Variants in METAP2 observed in about 807,000 individuals in gnomAD.
METAP2 encodes methionine aminopeptidase 2.
A neutral mutation model predicts 59.4 loss-of-function variants in METAP2; 25 were observed. The observed-to-expected ratio is 0.42, with a 90% CI of 0.31 to 0.59. The LOEUF is 0.59. Among genes scored for constraint, METAP2 ranks in the 20% least tolerant of loss-of-function variants. METAP2 has a pLI of 0.16. For synonymous variants in METAP2, 214 were observed against 194.1 expected, an observed-to-expected ratio of 1.10 and a Z score of -0.85; for missense variants, 366 against 581.2, an observed-to-expected ratio of 0.63 and a Z score of 3.81.
rs144195320 is a variant in METAP2, at chr12:95,509,658, A to G, written c.965-2237A>G. ...TCCCTAGCTCTGTTTGAGTCTGACA[A>G]CTTTGACACATTTATATAAGAAGGT... On this transcript the variant is annotated intron_variant, in intron 8 of 10. Coordinates refer to ENST00000323666, the MANE Select transcript of METAP2 (RefSeq NM_006838.4). Among the ~76,000 whole-genome samples, 9 of 152,256 alleles carry G rather than the reference A, an allele frequency of 5.9e-5. No homozygotes were observed. The East Asian group carries it at 1.4e-3, about 23-fold the overall frequency.
chr12:95,495,525 TC>T (rs2076270070), intron 6 of METAP2, among the ~76,000 whole-genome samples: 1 of 152,200 alleles, frequency 6.6e-6, no homozygotes, highest in East Asian at 1.9e-4. Flanking sequence ...TGTTTGCTTT[TC>T]TGAATTCTCT....
At chr12:95,478,126 C>T (rs1246964789) in intron 2 of METAP2, among the ~76,000 whole-genome samples, 1 of 151,802 alleles carries the variant, frequency 6.6e-6, no homozygotes, top group African/African-American at 2.4e-5. Context: ...TCCCCCCACC[C>T]CCCAAAAAAA....
chr12:95,474,238 C>T lies in METAP2; in HGVS notation c.59C>T (p.Pro20Leu). Residue 20 changes from proline to leucine, a missense_variant, in exon 1 of 11, where the codon CCA becomes CTA. By Grantham distance (98) the Pro-to-Leu change is moderately conservative. This residue lies in a region of METAP2 where 177 missense variants were observed against 180.3 expected (regional missense o/e 0.98). Coordinates refer to ENST00000323666, the MANE Select transcript of METAP2 (RefSeq NM_006838.4). ...SGSHLNGDLD[P>L]DDREEGAAST... ...AGCCACCTGAATGGCGACCTGGATC[C>T]AGACGACAGGGAAGAAGGAGCTGCC... 5.6e-6 allele frequency: 9 copies of T among 1,614,194 alleles called. No homozygotes were observed. Among genetic ancestry groups the T allele is most frequent in the Non-Finnish European group, 7.6e-6 (9 of 1,180,018 alleles).
chr12:95,482,336 C>G, intron 2 of METAP2: 1 of 309,138 alleles, frequency 3.2e-6, no homozygotes, highest in South Asian at 2.6e-5. Flanking sequence ...TGGTCTCAAA[C>G]TCCTGGGCTC....
intron 4 of METAP2, among the ~76,000 whole-genome samples, chr12:95,489,248 C>T (rs943396324): frequency 6.6e-6 from 1 of 150,412 alleles, no homozygotes; most frequent in African/African-American, 2.5e-5. Context: ...GTATTTAATA[C>T]ATGAAAAAAA....
chr12:95,491,107 G>A (rs2076235005), intron 4 of METAP2, among the ~76,000 whole-genome samples: 1 of 147,948 alleles, frequency 6.8e-6, no homozygotes, highest in Non-Finnish European at 1.5e-5. Flanking sequence ...TTCTTTTAAA[G>A]GTACTTTTTG....
intron 5 of METAP2, among the ~76,000 whole-genome samples, chr12:95,494,582 T>C (rs2076263365): frequency 1.3e-5 from 2 of 152,224 alleles, no homozygotes; most frequent in Admixed American, 1.3e-4. Context: ...TATTCTCTAG[T>C]TTTTCCTTTT....
chr12:95,513,600 A>G, intron 10 of METAP2, 52 bp from the exon 11 acceptor site: 1 of 1,570,818 alleles, frequency 6.4e-7, no homozygotes, highest in Non-Finnish European at 8.6e-7. Flanking sequence ...AATGAGGGAA[A>G]TCAGTTCGTA....
chr12:95,503,038 G>C (rs533407832), intron 7 of METAP2, among the ~76,000 whole-genome samples: 7 of 149,838 alleles, frequency 4.7e-5, no homozygotes, highest in African/African-American at 1.7e-4. Flanking sequence ...TGTAGTGGTA[G>C]ATCTGCCATC....
chr12:95,484,760 A>G (rs1594415308), intron 3 of METAP2: 3 of 416,744 alleles, frequency 7.2e-6, no homozygotes, highest in East Asian at 1.4e-4. Flanking sequence ...TTTTCTGAGT[A>G]TCAGTCTGTT....
At chr12:95,496,282 T>C (rs1337507191) in intron 7 of METAP2, among the ~76,000 whole-genome samples, 184 bp downstream of exon 7, 1 of 150,278 alleles carries the variant, frequency 6.7e-6, no homozygotes, top group Non-Finnish European at 1.5e-5. Context: ...GTACCAAAGG[T>C]TGTTTTTTTG....
Position 95,504,146 on chromosome 12 carries a change from G to A in METAP2, c.949G>A (p.Gly317Arg). Residue 317 changes from glycine (G) to arginine (R), a missense_variant, in exon 8 of 11, where the codon GGG becomes AGG. Around this residue, in one of 4 missense-constraint regions of METAP2, gnomAD observed 106 missense variants for 221.9 expected, o/e 0.48. Coordinates refer to ENST00000323666, the MANE Select transcript of METAP2 (RefSeq NM_006838.4). ...VMESYEVEID[G>R]KTYQVKPIRN... Reference sequence around the variant, plus strand: ...GGAGTCCTATGAAGTTGAAATAGATGGGAAGACATATCAAGGTATGTTCTT... The same window carrying A: ...GGAGTCCTATGAAGTTGAAATAGATAGGAAGACATATCAAGGTATGTTCTT... 1 of 1,600,352 alleles carries A rather than the reference G, an allele frequency of 6.2e-7. No individual in the cohort carries two copies. Among genetic ancestry groups the A allele is most frequent in the South Asian group, 1.1e-5 (1 of 90,532 alleles).
intron 2 of METAP2, among the ~76,000 whole-genome samples, chr12:95,478,459 C>T (rs1043014793): frequency 6.6e-6 from 1 of 151,964 alleles, no homozygotes. Context: ...GGTGAAACCC[C>T]ATCTCTACTA....
At chr12:95,475,972 C>A in intron 1 of METAP2, 99 bp from the exon 2 acceptor site, 1 of 691,504 alleles carries the variant, frequency 1.4e-6, no homozygotes, top group Non-Finnish European at 2.4e-6. Context: ...TTTTTGTTTC[C>A]TGAGGAAAGG....
At chr12:95,506,372 C>T (rs957192367) in intron 8 of METAP2, among the ~76,000 whole-genome samples, 2 of 148,134 alleles carry the variant, frequency 1.4e-5, no homozygotes, top group Admixed American at 6.8e-5. Flanking sequence ...TCTTGGTTCA[C>T]GGCAACCTCC....
chr12:95,502,416 T>G (rs547456444), intron 7 of METAP2, among the ~76,000 whole-genome samples: 6 of 152,362 alleles, frequency 3.9e-5, no homozygotes, highest in Non-Finnish European at 7.3e-5. Context: ...CCTTCTAGCC[T>G]TCAAAGTTTC....
At chr12:95,506,351 C>T (rs1427964873) in intron 8 of METAP2, among the ~76,000 whole-genome samples, 3 of 139,082 alleles carry the variant, frequency 2.2e-5, no homozygotes, top group African/African-American at 5.4e-5. Context: ...GGCTAGAGTG[C>T]AGTGGCGCAA....
intron 10 of METAP2, among the ~76,000 whole-genome samples, 182 bp downstream of exon 10, chr12:95,513,098 C>G (rs891191416): frequency 7.4e-6 from 1 of 135,946 alleles, no homozygotes; most frequent in Non-Finnish European, 1.5e-5. Flanking sequence ...ATTACACACA[C>G]ACACACACAC....
In METAP2 at chr12:95,483,225, CGATGGA is replaced by C. The variant is rs1565775733; in HGVS notation, c.278_283del (p.Asp93_Gly94del). On this transcript the variant is annotated inframe_deletion, in exon 3 of 11. Coordinates refer to ENST00000323666, the MANE Select transcript of METAP2 (RefSeq NM_006838.4). ...AATGTCTTTTCTTAGATGGAGATGG[CGATGGA>C]GATGGAGCAACTGGAAAGAAGAAGA... The C allele has an allele frequency of 3.1e-6, 5 of 1,611,354 alleles. No individual in the cohort carries two copies. In the Admixed American group the frequency reaches 5.0e-5, roughly 16 times the overall value.
Sources: allele counts gnomAD v4.1 joint callset (sites outside exome capture counted in the v4.1 genomes callset), GRCh38; gene constraint gnomAD v4.1.1; regional missense constraint gnomAD v4.1.1; transcripts MANE v1.5; gene names NCBI Gene and HGNC (gene_info 2026-07-23, HGNC 2026-07-21).